The following MCUB variants were observed in gnomAD, a reference collection of about 807,000 sequenced individuals.
The protein encoded by MCUB is mitochondrial calcium uniporter dominant negative subunit beta.
MCUB carries 46 observed loss-of-function variants against 41.4 expected under a neutral mutation model. The ratio of observed to expected loss-of-function variants is 1.11; its 90% CI spans 0.88 to 1.42. The LOEUF is 1.42. MCUB is among the 40% of genes most tolerant of loss of function. The probability of loss-of-function intolerance (pLI) is 0.00; values close to 1 mark genes in which losing one functional copy is unlikely to be tolerated. For missense variants in MCUB, 403 were observed against 404.9 expected (o/e 1.00, Z 0.04); for synonymous variants, 148 against 148.2 (o/e 1.00, Z 0.01).
At chr4:109,597,756 G>T (rs1200278989) in intron 1 of MCUB, among the ~76,000 whole-genome samples, 1 of 151,542 alleles carries the variant, frequency 6.6e-6, no homozygotes, top group Non-Finnish European at 1.5e-5. Context: ...CTCCCTCCCG[G>T]ACGGGGTGGC....
intron 1 of MCUB, among the ~76,000 whole-genome samples, chr4:109,637,018 A>C (rs551163231): frequency 1.3e-5 from 2 of 152,322 alleles, no homozygotes; most frequent in East Asian, 3.9e-4. Context: ...GAATGTGTGA[A>C]AGATGAGGAG....
chr4:109,641,413 C>T (rs1174215648), intron 1 of MCUB, among the ~76,000 whole-genome samples: 1 of 151,784 alleles, frequency 6.6e-6, no homozygotes, highest in Non-Finnish European at 1.5e-5. Context: ...CTAACACATA[C>T]AATATTAATT....
intron 4 of MCUB, among the ~76,000 whole-genome samples, chr4:109,665,021 A>G (rs1462286318): frequency 6.6e-6 from 1 of 152,134 alleles, no homozygotes; most frequent in Non-Finnish European, 1.5e-5. Flanking sequence ...GAGTTCCCAT[A>G]TGCTCTCTGC....
intron 1 of MCUB, among the ~76,000 whole-genome samples, chr4:109,584,807 G>A (rs1236169410): frequency 6.6e-6 from 1 of 152,218 alleles, no homozygotes; most frequent in Non-Finnish European, 1.5e-5. Flanking sequence ...ATTGCACTGT[G>A]TTCTGAGAGA....
intron 7 of MCUB, among the ~76,000 whole-genome samples, 199 bp from the exon 8 acceptor site, chr4:109,687,316 A>G (rs1429261047): frequency 6.6e-6 from 1 of 152,164 alleles, no homozygotes; most frequent in African/African-American, 2.4e-5. Flanking sequence ...CTGAGATGGT[A>G]GCACTGCACT....
intron 1 of MCUB, among the ~76,000 whole-genome samples, chr4:109,565,838 CTTT>C (rs34317769): frequency 3.0e-4 from 41 of 134,878 alleles, no homozygotes; most frequent in Admixed American, 5.2e-4. Context: ...ATTTTCATTT[CTTT>C]TTTTTTTTTT....
chr4:109,587,548 G>A (rs1209324465), intron 1 of MCUB, among the ~76,000 whole-genome samples: 2 of 152,182 alleles, frequency 1.3e-5, no homozygotes, highest in Non-Finnish European at 2.9e-5. Flanking sequence ...CGTCAATCAC[G>A]CTGGGAGCTG....
intron 1 of MCUB, among the ~76,000 whole-genome samples, chr4:109,583,895 G>A (rs1024067741): frequency 1.3e-5 from 2 of 152,174 alleles, no homozygotes; most frequent in Non-Finnish European, 2.9e-5. Context: ...AACCAGCCTT[G>A]CATCCCAGGG....
At chr4:109,634,312 A>G (rs143216129) in intron 1 of MCUB, among the ~76,000 whole-genome samples, 15,394 of 151,916 alleles carry the variant, frequency 0.1, 898 homozygotes, top group Non-Finnish European at 0.13. Context: ...GAGAAACCCC[A>G]TCTCTACTAA....
intron 1 of MCUB, among the ~76,000 whole-genome samples, chr4:109,574,492 TAGG>T (rs1726985573): frequency 6.6e-6 from 1 of 152,110 alleles, no homozygotes; most frequent in South Asian, 2.1e-4. Context: ...ATCTATGCAA[TAGG>T]AGCCTGTGAA....
At chr4:109,686,461 T>C (rs1385329702) in intron 7 of MCUB, among the ~76,000 whole-genome samples, 2 of 152,202 alleles carry the variant, frequency 1.3e-5, no homozygotes, top group African/African-American at 4.8e-5. Flanking sequence ...AAAATGTATT[T>C]TATTTCATAT....
At chr4:109,667,847 T>C (rs1010801243) in intron 4 of MCUB, among the ~76,000 whole-genome samples, 1 of 151,808 alleles carries the variant, frequency 6.6e-6, no homozygotes, top group African/African-American at 2.4e-5. Context: ...TGATAAGTTG[T>C]ATTTTCATTT....
At chr4:109,677,766 T>C (rs77985525) in intron 4 of MCUB, among the ~76,000 whole-genome samples, 1 of 148,960 alleles carries the variant, frequency 6.7e-6, no homozygotes, top group Admixed American at 6.7e-5. Context: ...TTTCCCAGCC[T>C]CCACTAACAA....
chr4:109,619,227 C>T (rs1478394102), intron 1 of MCUB, among the ~76,000 whole-genome samples: 1 of 152,146 alleles, frequency 6.6e-6, no homozygotes, highest in Admixed American at 6.6e-5. Flanking sequence ...AGGTGCCTGC[C>T]ACCATACCCA....
intron 4 of MCUB, among the ~76,000 whole-genome samples, chr4:109,667,235 G>A (rs1729364723): frequency 6.6e-6 from 1 of 151,984 alleles, no homozygotes; most frequent in African/African-American, 2.4e-5. Flanking sequence ...TTCTGTTTTG[G>A]AAATTTATTA....
chr4:109,648,126 C>T (rs920315096), intron 1 of MCUB, among the ~76,000 whole-genome samples: 1 of 152,070 alleles, frequency 6.6e-6, no homozygotes, highest in Admixed American at 6.6e-5. Flanking sequence ...TTCTAACAGA[C>T]GACAGTAGGA....
intron 1 of MCUB, among the ~76,000 whole-genome samples, chr4:109,641,677 T>G (rs571523614): frequency 1.3e-5 from 2 of 152,366 alleles, no homozygotes; most frequent in Admixed American, 6.5e-5. Context: ...TGAAATGTGA[T>G]CAAGTGAAGC....
At chr4:109,648,718 G>GAAA in intron 1 of MCUB, 2 of 243,388 alleles carry the variant, frequency 8.2e-6, no homozygotes, top group Non-Finnish European at 1.4e-5. Flanking sequence ...TTTTGGTACA[G>GAAA]AGAAGCAAAA....
chr4:109,654,566 G>T (rs548007992), intron 1 of MCUB, among the ~76,000 whole-genome samples: 1 of 151,830 alleles, frequency 6.6e-6, no homozygotes, highest in Non-Finnish European at 1.5e-5. Context: ...AGCAGAGATC[G>T]CACCATTGCA....
Sources: gnomAD v4.1 joint callset for allele counts (sites outside exome capture counted in the v4.1 genomes callset) on GRCh38, gnomAD v4.1.1 for gene constraint, MANE v1.5 for transcripts, NCBI Gene and HGNC (gene_info 2026-07-23, HGNC 2026-07-21) for gene names.